Variants in SLC24A2 observed in about 807,000 individuals in gnomAD.
SLC24A2 encodes solute carrier family 24 member 2, also known as sodium/potassium/calcium exchanger 2.
A neutral mutation model predicts 62.0 loss-of-function variants in SLC24A2; 36 were observed. The ratio of observed to expected loss-of-function variants is 0.58; its 90% CI spans 0.44 to 0.77. The LOEUF (loss-of-function observed/expected upper bound fraction) is 0.77. Among genes scored for constraint, SLC24A2 ranks in the 30% least tolerant of loss-of-function variants. The pLI, the probability that SLC24A2 is intolerant of heterozygous loss-of-function variation, is 0.00. For missense variants in SLC24A2, 846 were observed against 817.9 expected (o/e 1.03, Z -0.42); for synonymous variants, 358 against 294.0 (o/e 1.22, Z -2.23).
chr9:19,638,675 C>T (rs1390916653), intron 2 of SLC24A2, among the ~76,000 whole-genome samples: 1 of 152,102 alleles, frequency 6.6e-6, no homozygotes, highest in Non-Finnish European at 1.5e-5. Context: ...ATGACTAGTT[C>T]TGTGGCCCTC....
At position 19,597,339 on chromosome 9, in the gene SLC24A2, T is replaced by C. The variant is rs140965914; in HGVS notation, c.1079-60A>G. 179 of 1,076,280 alleles carry C rather than the reference T, an allele frequency of 1.7e-4. 1 individual carries two copies. In the African/African-American group the frequency reaches 2.2e-3, roughly 13 times the overall value. 66.7% of individuals were successfully genotyped at this position (1,076,280 alleles called of 1,614,324 possible). On this transcript the variant is annotated intron_variant, in intron 4 of 10. Coordinates refer to ENST00000341998, the MANE Select transcript of SLC24A2 (RefSeq NM_020344.4). Reference sequence around the variant, plus strand: ...AACGAGCTATAATGCAAGAACTTTGTTTTTACACATTTTTAATTAATCAGA... The same window carrying C: ...AACGAGCTATAATGCAAGAACTTTGCTTTTACACATTTTTAATTAATCAGA...
chr9:20,160,659 C>A, the SLC24A2 span, among the ~76,000 whole-genome samples: 1 of 150,824 alleles, frequency 6.6e-6, no homozygotes, highest in African/African-American at 2.4e-5. Context: ...TTCTATTAAA[C>A]AACTTGTGAG....
chr9:20,218,088 G>T, the SLC24A2 span, among the ~76,000 whole-genome samples: 1 of 152,164 alleles, frequency 6.6e-6, no homozygotes, highest in South Asian at 2.1e-4. Context: ...CCTGCAGAAA[G>T]GTAAAGACAT....
intron 7 of SLC24A2, among the ~76,000 whole-genome samples, chr9:19,559,310 T>G (rs1230875054): frequency 6.6e-6 from 1 of 152,228 alleles, no homozygotes; most frequent in Non-Finnish European, 1.5e-5. Flanking sequence ...TTACCCAATA[T>G]TTATCAAGCA....
At chr9:19,719,162 C>T (rs1820951163) in intron 2 of SLC24A2, among the ~76,000 whole-genome samples, 1 of 152,180 alleles carries the variant, frequency 6.6e-6, no homozygotes, top group South Asian at 2.1e-4. Context: ...GGGGGCATAG[C>T]TTGCTAGCCT....
the SLC24A2 span, among the ~76,000 whole-genome samples, chr9:19,983,450 C>G: frequency 6.6e-6 from 1 of 152,138 alleles, no homozygotes; most frequent in South Asian, 2.1e-4. Context: ...CGAGACCATA[C>G]TGGCCAACAT....
chr9:20,060,220 C>A, the SLC24A2 span, among the ~76,000 whole-genome samples: 3 of 151,918 alleles, frequency 2.0e-5, no homozygotes, highest in Non-Finnish European at 2.9e-5. Flanking sequence ...TGAATTTTAC[C>A]AAACATTTAA....
At chr9:20,241,493 T>C in the SLC24A2 span, among the ~76,000 whole-genome samples, 1 of 152,230 alleles carries the variant, frequency 6.6e-6, no homozygotes. Flanking sequence ...CCTCTCAGCA[T>C]ACAGACTATG....
intron 5 of SLC24A2, among the ~76,000 whole-genome samples, chr9:19,595,632 A>G (rs1293501278): frequency 6.6e-6 from 1 of 152,216 alleles, no homozygotes; most frequent in Non-Finnish European, 1.5e-5. Context: ...TCTTCGTCTT[A>G]TCTTAAATTG....
chr9:20,225,085 C>T, the SLC24A2 span, among the ~76,000 whole-genome samples: 1 of 152,142 alleles, frequency 6.6e-6, no homozygotes, highest in South Asian at 2.1e-4. Flanking sequence ...GCTCCTCTTT[C>T]TTCCTTACAG....
At chr9:20,056,545 T>TA in the SLC24A2 span, among the ~76,000 whole-genome samples, 1 of 152,224 alleles carries the variant, frequency 6.6e-6, no homozygotes, top group African/African-American at 2.4e-5. Context: ...ATGAATTAAT[T>TA]ACGTAATAAG....
chr9:20,053,569 A>G, the SLC24A2 span, among the ~76,000 whole-genome samples: 4 of 152,200 alleles, frequency 2.6e-5, no homozygotes, highest in Admixed American at 2.6e-4. Flanking sequence ...TCCCAATGTG[A>G]TGGTATTTGG....
chr9:20,002,512 G>A, the SLC24A2 span, among the ~76,000 whole-genome samples: 1 of 151,894 alleles, frequency 6.6e-6, no homozygotes, highest in Admixed American at 6.6e-5. Context: ...AACAAACTCA[G>A]GTACCCTTAT....
At chr9:19,618,224 A>G (rs1817818629) in intron 4 of SLC24A2, among the ~76,000 whole-genome samples, 1 of 152,220 alleles carries the variant, frequency 6.6e-6, no homozygotes, top group Non-Finnish European at 1.5e-5. Flanking sequence ...GAGTTAAAGC[A>G]GTCGGCCTGC....
At chr9:19,564,281 A>C (rs547751854) in intron 7 of SLC24A2, among the ~76,000 whole-genome samples, 2 of 152,140 alleles carry the variant, frequency 1.3e-5, no homozygotes, top group South Asian at 4.2e-4. Flanking sequence ...TGTTTCCCCT[A>C]CTCATTCTTC....
chr9:20,219,859 C>T, the SLC24A2 span, among the ~76,000 whole-genome samples: 1 of 152,128 alleles, frequency 6.6e-6, no homozygotes, highest in Admixed American at 6.5e-5. Context: ...TCCATCTCAA[C>T]TGTAAAATTA....
At chr9:20,204,888 C>T in the SLC24A2 span, among the ~76,000 whole-genome samples, 4 of 151,704 alleles carry the variant, frequency 2.6e-5, no homozygotes, top group African/African-American at 7.3e-5. Flanking sequence ...GGACTACAGG[C>T]GCGCACCACC....
At chr9:20,190,944 C>A in the SLC24A2 span, among the ~76,000 whole-genome samples, 1 of 152,284 alleles carries the variant, frequency 6.6e-6, no homozygotes, top group Non-Finnish European at 1.5e-5. Flanking sequence ...AAAGTGTTAA[C>A]TGTACACAAT....
the SLC24A2 span, among the ~76,000 whole-genome samples, chr9:20,040,751 C>T: frequency 1.3e-5 from 2 of 152,146 alleles, no homozygotes; most frequent in Non-Finnish European, 2.9e-5. Context: ...ATTATTTTTC[C>T]TTCTGGAAAG....
Sources: allele counts gnomAD v4.1 joint callset (sites outside exome capture counted in the v4.1 genomes callset), GRCh38; gene constraint gnomAD v4.1.1; transcripts MANE v1.5; gene names NCBI Gene and HGNC (gene_info 2026-07-23, HGNC 2026-07-21).